The following TBC1D5 variants were observed in gnomAD, a reference collection of about 807,000 sequenced individuals.
TBC1D5 encodes TBC1 domain family member 5.
TBC1D5 carries 75 observed loss-of-function variants against 100.3 expected under a neutral mutation model. That is an observed-to-expected ratio of 0.75 (90% CI 0.62 to 0.91). The LOEUF (loss-of-function observed/expected upper bound fraction) is 0.91, where lower values mean the gene tolerates loss of function less well. Ranked by LOEUF, TBC1D5 falls within the 40% of genes least tolerant of loss-of-function variation. The probability of loss-of-function intolerance (pLI) is 0.00; values close to 1 mark genes in which losing one functional copy is unlikely to be tolerated. For missense variants in TBC1D5, 910 were observed against 942.4 expected, an observed-to-expected ratio of 0.97 and a Z score of 0.45; for synonymous variants, 323 against 325.6, an observed-to-expected ratio of 0.99 and a Z score of 0.09.
At chr3:17,697,788 G>C (rs561779150) in intron 1 of TBC1D5, among the ~76,000 whole-genome samples, 3 of 146,166 alleles carry the variant, frequency 2.1e-5, no homozygotes, top group African/African-American at 7.6e-5. Flanking sequence ...AACAGAACCC[G>C]CGTTGCCAAG....
intron 17 of TBC1D5, among the ~76,000 whole-genome samples, chr3:17,229,804 C>T (rs913736890): frequency 3.9e-5 from 6 of 152,174 alleles, no homozygotes; most frequent in Admixed American, 2.6e-4. Context: ...CTCCCCATCT[C>T]ATAAGGGTTG....
intron 16 of TBC1D5, among the ~76,000 whole-genome samples, chr3:17,249,802 A>C (rs2596641): frequency 6.6e-6 from 1 of 152,036 alleles, no homozygotes; most frequent in Non-Finnish European, 1.5e-5. Flanking sequence ...TGAGGAAAGA[A>C]CCAGTTGGTG....
intron 1 of TBC1D5, among the ~76,000 whole-genome samples, chr3:17,663,762 G>A (rs1481330317): frequency 1.3e-5 from 2 of 152,160 alleles, no homozygotes; most frequent in African/African-American, 4.8e-5. Context: ...AGTAGTATAT[G>A]TAACAGTGGA....
At chr3:17,585,326 T>C (rs2096726300) in intron 2 of TBC1D5, among the ~76,000 whole-genome samples, 1 of 152,142 alleles carries the variant, frequency 6.6e-6, no homozygotes, top group South Asian at 2.1e-4. Flanking sequence ...AAGAATGATT[T>C]GAGGGCATCA....
intron 3 of TBC1D5, 22 bp from the exon 4 acceptor site, chr3:17,428,541 C>T: frequency 7.4e-7 from 1 of 1,353,820 alleles, no homozygotes; most frequent in African/African-American, 1.5e-5. Flanking sequence ...AATTACGACA[C>T]TGAAATAATG....
At chr3:17,159,484 T>G (rs1575656924) in exon 22 of TBC1D5, 1 of 152,270 alleles carries the variant, frequency 6.6e-6, no homozygotes, top group East Asian at 1.9e-4. Context: ...CTCAAAGAGC[T>G]AGTCATCCCT....
chr3:17,343,705 T>C lies in TBC1D5; in HGVS notation c.995+28370A>G, dbSNP rs567842001. On this transcript the variant is annotated intron_variant, in intron 13 of 21. Transcript: ENST00000253692. ...CCTGGTTTAGTCTTGGGAGAGTGTA[T>C]GTGTTGAGGAATTTATCCATTTCTT... Among the ~76,000 whole-genome samples the C allele has an allele frequency of 3.4e-3, 513 of 152,228 alleles. 2 individuals carry two copies. Among genetic ancestry groups the C allele is most frequent in the African/African-American group, 0.012 (500 of 41,500 alleles).
At chr3:17,425,729 T>C (rs2094320329) in intron 4 of TBC1D5, among the ~76,000 whole-genome samples, 1 of 152,172 alleles carries the variant, frequency 6.6e-6, no homozygotes, top group African/African-American at 2.4e-5. Context: ...CATTTCAGTG[T>C]CCAATTCAAG....
intron 2 of TBC1D5, among the ~76,000 whole-genome samples, chr3:17,603,355 A>G (rs1275160994): frequency 6.6e-6 from 1 of 152,158 alleles, no homozygotes; most frequent in Non-Finnish European, 1.5e-5. Flanking sequence ...TAAAGCAGCC[A>G]GAAGAACGCA....
intron 3 of TBC1D5, among the ~76,000 whole-genome samples, chr3:17,506,049 T>C (rs2095841617): frequency 6.6e-6 from 1 of 152,218 alleles, no homozygotes; most frequent in Admixed American, 6.5e-5. Flanking sequence ...AGCACTAAAG[T>C]GCAGTGTTTA....
chr3:17,239,297 C>A (rs981971388), intron 16 of TBC1D5, among the ~76,000 whole-genome samples: 1 of 152,134 alleles, frequency 6.6e-6, no homozygotes, highest in African/African-American at 2.4e-5. Context: ...TGCTTTGAAT[C>A]CCATTTCCTC....
At chr3:17,449,337 G>A (rs1319953765) in intron 3 of TBC1D5, among the ~76,000 whole-genome samples, 1 of 152,192 alleles carries the variant, frequency 6.6e-6, no homozygotes, top group Non-Finnish European at 1.5e-5. Flanking sequence ...CAAGCTAGTA[G>A]GAGTTTTTTT....
chr3:17,403,313 T>C (rs2093691416), intron 7 of TBC1D5, 65 bp from the exon 8 acceptor site: 2 of 1,122,042 alleles, frequency 1.8e-6, no homozygotes, highest in African/African-American at 3.2e-5. Context: ...GTGATTTCAA[T>C]TTAATAATGT....
intron 4 of TBC1D5, among the ~76,000 whole-genome samples, chr3:17,422,344 T>TTGTTTTTC (rs2149282013): frequency 6.6e-6 from 1 of 151,632 alleles, no homozygotes; most frequent in African/African-American, 2.4e-5. Flanking sequence ...ATTTTGTTTT[T>TTGTTTTTC]TGTTTTTTTG....
intron 13 of TBC1D5, among the ~76,000 whole-genome samples, chr3:17,341,775 G>A (rs2151420959): frequency 6.6e-6 from 1 of 152,224 alleles, no homozygotes; most frequent in East Asian, 1.9e-4. Flanking sequence ...AAATATTCAA[G>A]CTAAAAATTG....
At chr3:17,250,134 T>C (rs901215258) in intron 16 of TBC1D5, among the ~76,000 whole-genome samples, 7 of 152,204 alleles carry the variant, frequency 4.6e-5, no homozygotes, top group South Asian at 2.1e-4. Context: ...CTTGTAATAA[T>C]CCCCAGTTAG....
Position 17,425,992 on chromosome 3 carries a change from A to AAC in TBC1D5, c.167+2456_167+2457dup, listed in dbSNP as rs2094326192. Reference sequence around the variant, plus strand: ...TAGATAAGAAACTAAAGTAAATCTTAACCCTAGACACAAGTATATATAAAG... The same window carrying AAC: ...TAGATAAGAAACTAAAGTAAATCTTAACACCCTAGACACAAGTATATATAAAG... On this transcript the variant is annotated intron_variant, in intron 4 of 21. Coordinates refer to ENST00000253692, the Ensembl canonical transcript of TBC1D5. Among the ~76,000 whole-genome samples, 2 of 151,788 alleles carry AAC rather than the reference A, an allele frequency of 1.3e-5. 1 individual carries two copies. Among genetic ancestry groups the AAC allele is most frequent in the Non-Finnish European group, 2.9e-5 (2 of 67,946 alleles).
intron 1 of TBC1D5, among the ~76,000 whole-genome samples, chr3:17,692,094 CT>C (rs143442018): frequency 0.055 from 8,299 of 152,006 alleles, 690 homozygotes; most frequent in African/African-American, 0.18. Flanking sequence ...AACATAAGTA[CT>C]TTTTTTCTTT....
At chr3:17,438,300 A>C (rs1051170062) in intron 3 of TBC1D5, among the ~76,000 whole-genome samples, 8 of 152,154 alleles carry the variant, frequency 5.3e-5, no homozygotes, top group African/African-American at 1.9e-4. Context: ...AACTTGGAGA[A>C]ATAGTATTAA....
Sources: gnomAD v4.1 joint callset for allele counts (sites outside exome capture counted in the v4.1 genomes callset) on GRCh38, gnomAD v4.1.1 for gene constraint, MANE v1.5 for transcripts, NCBI Gene and HGNC (gene_info 2026-07-23, HGNC 2026-07-21) for gene names.